The following CHDH variants were observed in gnomAD, a reference collection of about 807,000 sequenced individuals.
CHDH encodes the protein choline dehydrogenase.
In CHDH, 43 loss-of-function variants were observed where a neutral mutation model predicts 56.9. That is an observed-to-expected ratio of 0.76 (90% CI 0.59 to 0.97). The LOEUF is 0.97. CHDH is among the 50% of genes least tolerant of loss of function. CHDH has a pLI of 0.00. For synonymous variants in CHDH, 364 were observed against 348.5 expected, an observed-to-expected ratio of 1.04 and a Z score of -0.50; for missense variants, 816 against 821.1, an observed-to-expected ratio of 0.99 and a Z score of 0.08.
In CHDH at chr3:53,819,959, C is replaced by G. The variant is rs1385265686; in HGVS notation, c.1121-285G>C. Among the ~76,000 whole-genome samples the G allele has an allele frequency of 6.6e-6, 1 of 152,238 alleles. No individual in the cohort carries two copies. Among genetic ancestry groups the G allele is most frequent in the Non-Finnish European group, 1.5e-5 (1 of 68,046 alleles). On this transcript the variant is annotated intron_variant, in intron 6 of 8. Transcript: ENST00000315251. This position sits in a 1 kb window ranked among gnomAD's most constrained non-coding sequence, Gnocchi z 5.4. ...ATGCCACCTGCCTTACCGGCTCTTC[C>G]CACTACCTAGCACAGCACACAGCAC...
Position 53,822,624 on chromosome 3 carries a change from G to C in CHDH, c.722C>G (p.Ala241Gly), listed in dbSNP as rs2095629525. Residue 241 changes from alanine (A) to glycine (G), a missense_variant, in exon 4 of 9, where the codon GCC (alanine) becomes GGC (glycine). Ala to Gly is a moderately conservative substitution (Grantham distance 60, BLOSUM62 0). Coordinates refer to ENST00000315251, the MANE Select transcript of CHDH (RefSeq NM_018397.5). ...TIHEGKRWSA[A>G]CAYLHPALSR... ...CAGTGCTGGGTGCAGGTAGGCACAG[G>C]CCGCGCTCCACCGTTTGCCTGCAGG... The C allele has an allele frequency of 1.2e-6, 2 of 1,610,492 alleles. No homozygotes were observed. The highest frequency in any genetic ancestry group is 1.7e-6 in the Non-Finnish European group (2 of 1,179,608).
chr3:53,826,328 C>T (rs1368092022), intron 2 of CHDH, among the ~76,000 whole-genome samples: 1 of 147,420 alleles, frequency 6.8e-6, no homozygotes, highest in African/African-American at 2.6e-5. Context: ...AAAAAAAAAA[C>T]CACTACAGAC....
chr3:53,821,123 G>A (rs532017481), intron 5 of CHDH, among the ~76,000 whole-genome samples: 1 of 152,372 alleles, frequency 6.6e-6, no homozygotes, highest in East Asian at 1.9e-4. Flanking sequence ...GAAGCCTAAA[G>A]GCACAAAGGC....
intron 2 of CHDH, among the ~76,000 whole-genome samples, chr3:53,828,427 A>G (rs1467401716): frequency 6.6e-6 from 1 of 152,252 alleles, no homozygotes; most frequent in East Asian, 1.9e-4. Flanking sequence ...TGAGTTTTCT[A>G]CTTTGCTAAA....
chr3:53,815,892 G>C lies in CHDH; in HGVS notation c.*1885C>G, dbSNP rs981467450. On this transcript the variant is annotated 3_prime_UTR_variant, in exon 9 of 9. Coordinates refer to ENST00000315251, the MANE Select transcript of CHDH (RefSeq NM_018397.5). ...CTCTTGCAGGCAGCCCCGAGACCCA[G>C]GTGACTGATGGCCATGGACTGCTGC... is the stretch of plus-strand genomic sequence containing the variant. 6.6e-6 allele frequency: 1 copy of C among 152,252 alleles called. No individual in the cohort carries two copies. Among genetic ancestry groups the C allele is most frequent in the Non-Finnish European group, 1.5e-5 (1 of 68,056 alleles). 9.4% of individuals were successfully genotyped at this position (152,252 alleles called of 1,614,324 possible). A position where few individuals can be genotyped will look rare whatever the true frequency, so the allele number is the denominator to read the frequency against.
At chr3:53,822,676 C>T (rs375261192) in intron 3 of CHDH, 34 bp from the exon 4 acceptor site, 15 of 1,589,466 alleles carry the variant, frequency 9.4e-6, no homozygotes, top group Non-Finnish European at 1.3e-5. Context: ...AGGCATGGCT[C>T]CGCCCTCCCC....
At chr3:53,835,360 T>C (rs1190590906) in intron 2 of CHDH, among the ~76,000 whole-genome samples, 2 of 152,204 alleles carry the variant, frequency 1.3e-5, no homozygotes, top group Admixed American at 6.5e-5. Flanking sequence ...CCCAGAAAGT[T>C]ACTTTACAGC....
Position 53,814,242 on chromosome 3 carries a change from G to T in CHDH, c.*3535C>A, listed in dbSNP as rs147935578. ...GTGTCTTTGCCAATTGCATTTCCTAGAAAAGTTGTACTGTTTTGATAGGCA... is the reference window on the plus strand; with the variant it reads ...GTGTCTTTGCCAATTGCATTTCCTATAAAAGTTGTACTGTTTTGATAGGCA... On this transcript the variant is annotated 3_prime_UTR_variant, in exon 9 of 9. Transcript: ENST00000315251. 42 of 152,302 alleles carry T rather than the reference G, an allele frequency of 2.8e-4. No individual in the cohort carries two copies. The highest frequency in any genetic ancestry group is 8.7e-4 in the African/African-American group (36 of 41,560). The allele number at this position is 152,302 out of a possible 1,614,324, so 9.4% of individuals were successfully genotyped here.
chr3:53,820,635 A>T, intron 5 of CHDH, 27 bp from the exon 6 acceptor site: 1 of 1,598,526 alleles, frequency 6.3e-7, no homozygotes, highest in Non-Finnish European at 8.5e-7. Flanking sequence ...TGGTTTAGAA[A>T]ATGGCTACCA....
intron 2 of CHDH, among the ~76,000 whole-genome samples, chr3:53,826,717 C>T (rs2095639682): frequency 6.6e-6 from 1 of 152,180 alleles, no homozygotes. Context: ...CCCTTTGAAC[C>T]ACTCCTTTTT....
intron 1 of CHDH, among the ~76,000 whole-genome samples, chr3:53,844,302 G>A (rs1308136946): frequency 6.6e-6 from 1 of 152,068 alleles, no homozygotes; most frequent in South Asian, 2.1e-4. Context: ...TTCTTCCCCT[G>A]GGGGGAGAAA....
rs1460405097 is a variant in CHDH at position 53,823,823 on chromosome 3, G to C, written c.186C>G (p.Asp62Glu). 6.3e-7 allele frequency: 1 copy of C among 1,586,128 alleles called. No homozygotes were observed. Among genetic ancestry groups the C allele is most frequent in the African/African-American group, 1.3e-5 (1 of 74,468 alleles). The change falls in exon 3 of 9, where the codon GAC becomes GAG. Residue 62 changes from aspartate (D) to glutamate (E), a missense_variant. Physicochemically the swap from Asp to Glu is conservative, Grantham distance 45 (BLOSUM62 2). Coordinates refer to ENST00000315251, the MANE Select transcript of CHDH (RefSeq NM_018397.5). ...CCAGCAGCAGCACGCGCTCGGCGGG[G>C]TCCTCCGTGAGCCTCCCAGCCAGCA... ...GCVLAGRLTE[D>E]PAERVLLLEA...
chr3:53,840,645 C>T (rs1698644235), intron 2 of CHDH, among the ~76,000 whole-genome samples: 2 of 152,168 alleles, frequency 1.3e-5, no homozygotes, highest in African/African-American at 2.4e-5. Context: ...CACAAAATTC[C>T]CATCTCCATC....
chr3:53,829,337 C>T (rs1038920763), intron 2 of CHDH, among the ~76,000 whole-genome samples: 1 of 152,084 alleles, frequency 6.6e-6, no homozygotes, highest in African/African-American at 2.4e-5. Context: ...TTTGTCCAAA[C>T]CTATAGAATG....
At position 53,823,990 on chromosome 3, in the gene CHDH, C is replaced by A. The variant is rs771964359; in HGVS notation, c.19G>T (p.Gly7Cys). 3 of 1,489,400 alleles carry A rather than the reference C, an allele frequency of 2.0e-6. No individual in the cohort carries two copies. In the African/African-American group the frequency reaches 4.3e-5, roughly 21 times the overall value. 92.3% of individuals were successfully genotyped at this position (1,489,400 alleles called of 1,614,324 possible). The stretch of plus-strand genomic sequence containing the variant: ...GCCAGGGCTCCAGGCCGGCCCAGGC[C>A]TCGTAGGAGACACCACATGCTTCTA... The part of the protein sequence containing the change: MWCLLR[G>C]LGRPGALARG... Residue 7 changes from glycine (G) to cysteine (C), a missense_variant, in exon 3 of 9, where the codon GGC becomes TGC. Transcript: ENST00000315251.
chr3:53,832,265 C>T (rs1004206333), intron 2 of CHDH, among the ~76,000 whole-genome samples: 4 of 152,156 alleles, frequency 2.6e-5, no homozygotes, highest in African/African-American at 9.7e-5. Flanking sequence ...GGCATGGTGG[C>T]TCACGCCTGT....
intron 2 of CHDH, among the ~76,000 whole-genome samples, chr3:53,833,398 G>C (rs1339827326): frequency 3.9e-5 from 6 of 152,216 alleles, no homozygotes; most frequent in African/African-American, 1.4e-4. Context: ...TTGAGGACAG[G>C]GACTCCTAAG....
chr3:53,823,277 T>C (rs1385846946), intron 3 of CHDH, 29 bp downstream of exon 3: 3 of 1,473,770 alleles, frequency 2.0e-6, no homozygotes, highest in Non-Finnish European at 2.7e-6. Flanking sequence ...GGGGTAGTGC[T>C]TTTTTAAAAA....
At chr3:53,837,717 C>G (rs921399039) in intron 2 of CHDH, among the ~76,000 whole-genome samples, 29 of 152,214 alleles carry the variant, frequency 1.9e-4, no homozygotes, top group African/African-American at 7.0e-4. Context: ...AGCTGCTTCA[C>G]CACTTTCTAA....
Sources: gnomAD v4.1 joint callset for allele counts (sites outside exome capture counted in the v4.1 genomes callset) on GRCh38, gnomAD v4.1.1 for gene constraint, Gnocchi (gnomAD v3.1) non-coding constraint, MANE v1.5 for transcripts, NCBI Gene and HGNC (gene_info 2026-07-23, HGNC 2026-07-21) for gene names.